Variants in SLC35A1 observed in about 807,000 individuals in gnomAD.
SLC35A1 encodes CMP-sialic acid transporter.
A neutral mutation model predicts 40.3 loss-of-function variants in SLC35A1; 21 were observed. The observed-to-expected ratio is 0.52, with a 90% CI of 0.37 to 0.75. The LOEUF (loss-of-function observed/expected upper bound fraction) is 0.75. Ranked by LOEUF, SLC35A1 falls within the 30% of genes least tolerant of loss-of-function variation. The probability of loss-of-function intolerance (pLI) is 0.00; values close to 1 mark genes in which losing one functional copy is unlikely to be tolerated. For missense variants in SLC35A1, 297 were observed against 382.1 expected (o/e 0.78, Z 1.86); for synonymous variants, 146 against 147.3 (o/e 0.99, Z 0.06).
intron 1 of SLC35A1, among the ~76,000 whole-genome samples, 167 bp from the exon 2 acceptor site, chr6:87,477,195 G>A (rs1377744352): frequency 4.6e-5 from 7 of 151,882 alleles, no homozygotes; most frequent in Admixed American, 6.6e-5. Context: ...GTGTGTGCAC[G>A]CTCATGTAAT....
At chr6:87,473,305 G>GC (rs1316743869) in intron 1 of SLC35A1, among the ~76,000 whole-genome samples, 1 of 152,056 alleles carries the variant, frequency 6.6e-6, no homozygotes, top group Non-Finnish European at 1.5e-5. Context: ...ATTCTGACAG[G>GC]CCGGGGCTGC....
intron 3 of SLC35A1, 48 bp from the exon 4 acceptor site, chr6:87,501,110 C>T: frequency 6.9e-7 from 1 of 1,439,252 alleles, no homozygotes; most frequent in Non-Finnish European, 9.8e-7. Context: ...ATATTTGTAT[C>T]AGAGACTAAC....
intron 1 of SLC35A1, 90 bp from the exon 2 acceptor site, chr6:87,477,272 G>T: frequency 8.3e-7 from 1 of 1,200,046 alleles, no homozygotes; most frequent in East Asian, 2.6e-5. Flanking sequence ...GCTTGGAATT[G>T]GAAAGTATTT....
intron 1 of SLC35A1, among the ~76,000 whole-genome samples, chr6:87,474,347 C>T (rs1769007332): frequency 6.6e-6 from 1 of 152,118 alleles, no homozygotes; most frequent in African/African-American, 2.4e-5. Context: ...AAATAATGTC[C>T]CCATAAACTA....
At chr6:87,501,821 A>G (rs1422907821) in intron 4 of SLC35A1, among the ~76,000 whole-genome samples, 1 of 152,204 alleles carries the variant, frequency 6.6e-6, no homozygotes, top group Non-Finnish European at 1.5e-5. Flanking sequence ...TCTTACTGAT[A>G]ATTGATAATT....
At chr6:87,498,328 T>C (rs1769804390) in intron 2 of SLC35A1, among the ~76,000 whole-genome samples, 1 of 152,208 alleles carries the variant, frequency 6.6e-6, no homozygotes, top group Admixed American at 6.5e-5. Context: ...TATGCTATCA[T>C]GATACTAGAG....
chr6:87,506,425 C>T lies in SLC35A1; in HGVS notation c.551C>T (p.Ala184Val), dbSNP rs540341811. 1 of 1,613,606 alleles carries T rather than the reference C, an allele frequency of 6.2e-7. No individual in the cohort carries two copies. Among genetic ancestry groups the T allele is most frequent in the South Asian group, 1.1e-5 (1 of 91,070 alleles). ...TTAGGGTTTGGCGCTATAGCTATTG[C>T]TGTATTGTGCTCAGGATTTGCAGGT... ...PLLGFGAIAI[A>V]VLCSGFAGVY... is the part of the protein sequence containing the mutation. The change falls in exon 5 of 8, where the codon GCT becomes GTT. Residue 184 changes from alanine (A) to valine (V), a missense_variant. Transcript: ENST00000369552.
chr6:87,505,644 TCA>T, intron 4 of SLC35A1, among the ~76,000 whole-genome samples: 1 of 152,182 alleles, frequency 6.6e-6, no homozygotes, highest in Non-Finnish European at 1.5e-5. Context: ...CTGGTGAGGC[TCA>T]TTCTATGGCA....
chr6:87,498,741 G>T (rs1562024097), intron 2 of SLC35A1, among the ~76,000 whole-genome samples: 1 of 152,134 alleles, frequency 6.6e-6, no homozygotes. Context: ...TTGCACTCCA[G>T]GTTGGGTGAC....
In SLC35A1 at chr6:87,501,121, A is replaced by T. The variant is rs189859766; in HGVS notation, c.355-37A>T. 11 of 1,529,356 alleles carry T rather than the reference A, an allele frequency of 7.2e-6. No homozygotes were observed. The African/African-American group carries it at 1.2e-4, about 17-fold the overall frequency. 94.7% of individuals were successfully genotyped at this position (1,529,356 alleles called of 1,614,324 possible). ...TAATATATTTGTATCAGAGACTAAC[A>T]TTAACTGAATTTATTAATTCATTCT... On this transcript the variant is annotated intron_variant, in intron 3 of 7. Transcript: ENST00000369552.
intron 2 of SLC35A1, among the ~76,000 whole-genome samples, chr6:87,490,608 G>GA (rs760055719): frequency 1.0e-3 from 158 of 151,564 alleles, no homozygotes; most frequent in Non-Finnish European, 1.9e-3. Flanking sequence ...ATTTTTATTT[G>GA]AAAAAAAGGA....
chr6:87,507,491 G>C (rs1439069142), intron 5 of SLC35A1, among the ~76,000 whole-genome samples: 1 of 152,108 alleles, frequency 6.6e-6, no homozygotes, highest in South Asian at 2.1e-4. Context: ...ATATCTCTCT[G>C]TGTTTACGGT....
chr6:87,489,467 T>A (rs1158611738), intron 2 of SLC35A1, among the ~76,000 whole-genome samples: 1 of 151,792 alleles, frequency 6.6e-6, no homozygotes, highest in Non-Finnish European at 1.5e-5. Flanking sequence ...TGCCATGTGA[T>A]GCAGCAGGAA....
At position 87,511,475 on chromosome 6, in the gene SLC35A1, A is replaced by C. The variant is rs371513987; in HGVS notation, c.963A>C (p.Thr321=). The C allele has an allele frequency of 2.5e-6, 4 of 1,613,898 alleles. No individual in the cohort carries two copies. The highest frequency in any genetic ancestry group is 3.4e-6 in the Non-Finnish European group (4 of 1,179,914). Reference sequence around the variant, plus strand: ...ATGGATTACCCAGACAAGACACTACATCCATCCAACAAGGAGAAACAGCTT... The same window carrying C: ...ATGGATTACCCAGACAAGACACTACCTCCATCCAACAAGGAGAAACAGCTT... ...YLYGLPRQDT[T]SIQQGETASK... Residue 321 remains threonine, a synonymous_variant, in exon 8 of 8, where the codon ACA becomes ACC. Coordinates refer to ENST00000369552, the MANE Select transcript of SLC35A1 (RefSeq NM_006416.5).
rs372001139 is a variant in SLC35A1, at chr6:87,506,429, A to C, written c.555A>C (p.Val185=). 1.9e-6 allele frequency: 3 copies of C among 1,613,560 alleles called. No homozygotes were observed. The African/African-American group carries it at 4.0e-5, about 22-fold the overall frequency. Residue 185 remains valine, a synonymous_variant, in exon 5 of 8, where the codon GTA becomes GTC. Coordinates refer to ENST00000369552, the MANE Select transcript of SLC35A1 (RefSeq NM_006416.5). ...GGTTTGGCGCTATAGCTATTGCTGT[A>C]TTGTGCTCAGGATTTGCAGGTAAAT... ...LLGFGAIAIA[V]LCSGFAGVYF... is the part of the protein sequence containing the mutation.
intron 2 of SLC35A1, among the ~76,000 whole-genome samples, chr6:87,492,368 G>A (rs1769579317): frequency 1.3e-5 from 2 of 151,430 alleles, no homozygotes; most frequent in South Asian, 4.2e-4. Flanking sequence ...TCATGTCATT[G>A]ATATTAACAC....
At chr6:87,500,906 C>A (rs1476092782) in intron 3 of SLC35A1, among the ~76,000 whole-genome samples, 1 of 152,080 alleles carries the variant, frequency 6.6e-6, no homozygotes, top group Non-Finnish European at 1.5e-5. Flanking sequence ...TGCCACCACA[C>A]CCAGCTAATT....
chr6:87,493,313 A>G (rs533749519), intron 2 of SLC35A1, among the ~76,000 whole-genome samples: 12 of 152,150 alleles, frequency 7.9e-5, no homozygotes, highest in African/African-American at 2.6e-4. Context: ...AGGATCCTTT[A>G]TTCCTTTTTT....
intron 2 of SLC35A1, among the ~76,000 whole-genome samples, chr6:87,485,408 A>G (rs186917461): frequency 6.6e-6 from 1 of 152,338 alleles, no homozygotes; most frequent in Non-Finnish European, 1.5e-5. Flanking sequence ...TGGAAGAATT[A>G]TATTAGAAAT....
Sources: allele counts gnomAD v4.1 joint callset (sites outside exome capture counted in the v4.1 genomes callset), GRCh38; gene constraint gnomAD v4.1.1; transcripts MANE v1.5; gene names NCBI Gene and HGNC (gene_info 2026-07-23, HGNC 2026-07-21).